Variants in ITIH3 observed in about 807,000 individuals in gnomAD.
The protein encoded by ITIH3 is inter-alpha-trypsin inhibitor heavy chain 3.
Under a neutral mutation model 96.5 loss-of-function variants are expected in ITIH3, and 81 were observed. That is an observed-to-expected ratio of 0.84 (90% CI 0.70 to 1.01). The LOEUF (loss-of-function observed/expected upper bound fraction) is 1.01. ITIH3 is among the 50% of genes least tolerant of loss of function. The pLI, the probability that ITIH3 is intolerant of heterozygous loss-of-function variation, is 0.00. For synonymous variants in ITIH3, 422 were observed against 445.2 expected (o/e 0.95, Z 0.66); for missense variants, 1,057 against 1,139.3 (o/e 0.93, Z 1.04).
Position 52,797,671 on chromosome 3 carries a change from C to T in ITIH3, c.550-146C>T, listed in dbSNP as rs1036567573. ...TCCTCCAAGCCCCTGTGGTCACTTT[C>T]GCAGTGGGAGACACCAGGCTTGGCC... On this transcript the variant is annotated intron_variant, in intron 5 of 21. Coordinates refer to ENST00000449956, the MANE Select transcript of ITIH3 (RefSeq NM_002217.4). 64 of 605,008 alleles carry T rather than the reference C, an allele frequency of 1.1e-4. No individual in the cohort carries two copies. In the Middle Eastern group the frequency reaches 1.3e-3, roughly 12 times the overall value. The allele number at this position is 605,008 out of a possible 1,614,324, so 37.5% of individuals were successfully genotyped here. A position where few individuals can be genotyped will look rare whatever the true frequency, so the allele number is the denominator to read the frequency against.
At chr3:52,804,122 G>A in intron 14 of ITIH3, 113 bp downstream of exon 14, 1 of 1,168,718 alleles carries the variant, frequency 8.6e-7, no homozygotes, top group Middle Eastern at 2.4e-4. Context: ...GCTGAAGTAG[G>A]GCATCTGAAG....
chr3:52,808,342 T>C, intron 21 of ITIH3, 121 bp downstream of exon 21: 1 of 1,075,148 alleles, frequency 9.3e-7, no homozygotes, highest in Non-Finnish European at 1.4e-6. Flanking sequence ...TGTTTCCCTT[T>C]GAGGTCTTGG....
chr3:52,804,157 A>T, intron 14 of ITIH3, 148 bp downstream of exon 14: 2 of 772,522 alleles, frequency 2.6e-6, no homozygotes, highest in Non-Finnish European at 4.2e-6. Context: ...GGATGGGGAA[A>T]GTGGGGTGGA....
intron 3 of ITIH3, 44 bp downstream of exon 3, chr3:52,796,691 G>T: frequency 6.2e-7 from 1 of 1,605,792 alleles, no homozygotes; most frequent in Non-Finnish European, 8.5e-7. Context: ...GGGAACAGGG[G>T]GTCTGGCCCA....
chr3:52,807,185 CAGG>C (rs1700088809), intron 19 of ITIH3, 80 bp downstream of exon 19: 1 of 1,248,170 alleles, frequency 8.0e-7, no homozygotes, highest in Non-Finnish European at 1.1e-6. Flanking sequence ...AGAAAAATCC[CAGG>C]ACAGGAGATC....
chr3:52,800,782 G>A, intron 10 of ITIH3, 119 bp downstream of exon 10: 2 of 1,491,288 alleles, frequency 1.3e-6, no homozygotes, highest in Non-Finnish European at 1.8e-6. Flanking sequence ...CTGTGGTCTG[G>A]GAGCCCCTCA....
At chr3:52,803,825 G>A (rs766100931) in intron 13 of ITIH3, 30 bp from the exon 14 acceptor site, 6 of 1,612,488 alleles carry the variant, frequency 3.7e-6, no homozygotes, top group Middle Eastern at 3.3e-4. Flanking sequence ...TGCTCTCCAG[G>A]CTGTCCTCCT....
At chr3:52,808,433 C>A in intron 21 of ITIH3, 119 bp from the exon 22 acceptor site, 2 of 1,404,888 alleles carry the variant, frequency 1.4e-6, no homozygotes, top group Non-Finnish European at 2.0e-6. Context: ...TCATTCTTGA[C>A]CAAAGAATTC....
rs1479733836 is a variant in ITIH3 at position 52,808,110 on chromosome 3, G to A, written c.2432G>A (p.Gly811Glu). ...RMSAQTHGLL[G>E]QFFQPFDFKV... ...ACAGCATGAATATTTTTCTTCCCAG[G>A]GCAATTCTTCCAACCCTTTGACTTT... Residue 811 changes from glycine to glutamate, a missense_variant and splice_region_variant, in exon 21 of 22, where the codon GGG becomes GAG. Transcript: ENST00000449956. 2 of 1,613,846 alleles carry A rather than the reference G, an allele frequency of 1.2e-6. No individual in the cohort carries two copies. The highest frequency in any genetic ancestry group is 2.7e-5 in the African/African-American group (2 of 74,930).
intron 16 of ITIH3, 103 bp from the exon 17 acceptor site, chr3:52,806,000 G>C (rs1190933592): frequency 5.4e-6 from 8 of 1,488,706 alleles, no homozygotes; most frequent in Middle Eastern, 1.7e-4. Flanking sequence ...ATTAGCGAGC[G>C]GGAAGGGGAG....
rs1421192104 is a variant in ITIH3 at position 52,802,669 on chromosome 3, C to T, written c.1572C>T (p.Ala524=). Residue 524 remains alanine (A), a splice_region_variant and synonymous_variant, in exon 13 of 22, where the codon GCC becomes GCT. Coordinates refer to ENST00000449956, the MANE Select transcript of ITIH3 (RefSeq NM_002217.4). ...GCCTCCTTCTACCCCCACCCTAGGC[C>T]ACCAACGACCTGACCTTCACAGAGG... ...SFKADVKGHG[A]TNDLTFTEEV... The T allele has an allele frequency of 7.4e-6, 12 of 1,613,796 alleles. No individual in the cohort carries two copies. The highest frequency in any genetic ancestry group is 1.0e-5 in the Non-Finnish European group (12 of 1,179,872).
In ITIH3 at chr3:52,804,733, AG is replaced by A. The variant is rs1369094036; in HGVS notation, c.1873+1del. The stretch of plus-strand genomic sequence containing the variant: ...CCCTTGCTGCACCTGCAGATGCAGA[AG>A]GTAAGCCTTTAGCCAGCCACCGGGT... ...IADKPGEDAE[A>X]TPVSPAMSYL... is the part of the protein sequence containing the mutation. On this transcript the variant is annotated frameshift_variant and splice_region_variant, in exon 15 of 22. Transcript: ENST00000449956. LOFTEE classifies it high-confidence loss of function. 1 of 1,589,068 alleles carries A rather than the reference AG, an allele frequency of 6.3e-7. No individual in the cohort carries two copies. The highest frequency in any genetic ancestry group is 2.3e-5 in the East Asian group (1 of 43,984).
chr3:52,798,758 T>C (rs1699692517), intron 6 of ITIH3: 1 of 595,086 alleles, frequency 1.7e-6, no homozygotes, highest in Non-Finnish European at 3.0e-6. Flanking sequence ...CGGAGCGTGG[T>C]AAACAGTGCC....
At chr3:52,803,727 TA>T (rs1699932555) in intron 13 of ITIH3, 127 bp from the exon 14 acceptor site, 1 of 1,025,648 alleles carries the variant, frequency 9.7e-7, no homozygotes, top group Non-Finnish European at 1.4e-6. Flanking sequence ...AACTGGGCTG[TA>T]CCCTGGGGGA....
intron 7 of ITIH3, 96 bp from the exon 8 acceptor site, chr3:52,799,276 T>C: frequency 8.3e-7 from 1 of 1,200,848 alleles, no homozygotes; most frequent in South Asian, 1.5e-5. Context: ...AACGTCTTTT[T>C]CTTGGGCTGG....
At chr3:52,795,703 C>T in intron 2 of ITIH3, 80 bp downstream of exon 2, 1 of 1,386,752 alleles carries the variant, frequency 7.2e-7, no homozygotes, top group South Asian at 1.2e-5. Context: ...AAGGTGTAGG[C>T]TATAACAGCT....
Position 52,797,138 on chromosome 3 carries a change from C to T in ITIH3, c.420C>T (p.Val140=), listed in dbSNP as rs374802860. The change falls in exon 5 of 22, where the codon GTC becomes GTT. Residue 140 remains valine, a synonymous_variant. Coordinates refer to ENST00000449956, the MANE Select transcript of ITIH3 (RefSeq NM_002217.4). ...ASGRKLEKFT[V]SVNVAAGSKV... ...GGAGGAAGTTGGAGAAGTTCACAGT[C>T]TCGGTCAACGTGGCTGCAGGCAGCA... The T allele has an allele frequency of 2.6e-5, 42 of 1,609,748 alleles. No homozygotes were observed. In the African/African-American group the frequency reaches 5.1e-4, roughly 19 times the overall value.
rs1345104807 is a variant in ITIH3, at chr3:52,794,880, C to T, written c.77C>T (p.Pro26Leu). 6.2e-7 allele frequency: 1 copy of T among 1,613,628 alleles called. No individual in the cohort carries two copies. The highest frequency in any genetic ancestry group is 1.7e-5 in the Admixed American group (1 of 59,992). The change falls in exon 1 of 22, where the codon CCC becomes CTC. Residue 26 changes from proline (P) to leucine (L), a missense_variant. By Grantham distance (98) the Pro-to-Leu change is moderately conservative. Transcript: ENST00000449956. The part of the protein sequence containing the change: ...SLAASGFPRS[P>L]FRLLGKRSLP... Reference sequence around the variant, plus strand: ...GCAGCCTCTGGCTTCCCGAGAAGCCCCTTTCGGCTGCTTGGGGTGAGTCTG... The same window carrying T: ...GCAGCCTCTGGCTTCCCGAGAAGCCTCTTTCGGCTGCTTGGGGTGAGTCTG...
Position 52,801,003 on chromosome 3 carries a change from A to C in ITIH3, c.1240A>C (p.Asn414His). The change falls in exon 11 of 22, where the codon AAT becomes CAT. Residue 414 changes from asparagine to histidine, a missense_variant. Asn to His is a moderately conservative substitution (Grantham distance 68). Coordinates refer to ENST00000449956, the MANE Select transcript of ITIH3 (RefSeq NM_002217.4). ...CGAAAAAATCCAAGAGAATGTGCGG[A>C]ATGCCATCGGGGGCAAGTTCCCCTT... ...RPEKIQENVR[N>H]AIGGKFPLYN... 6.2e-7 allele frequency: 1 copy of C among 1,614,070 alleles called. No homozygotes were observed. Among genetic ancestry groups the C allele is most frequent in the South Asian group, 1.1e-5 (1 of 91,086 alleles).
Sources: allele counts gnomAD v4.1 joint callset, GRCh38; gene constraint gnomAD v4.1.1; transcripts MANE v1.5; gene names NCBI Gene and HGNC (gene_info 2026-07-23, HGNC 2026-07-21).